TTC39A: variants seen among roughly 807,000 people sequenced by gnomAD.
The protein encoded by TTC39A is tetratricopeptide repeat domain 39A.
TTC39A carries 46 observed loss-of-function variants against 82.3 expected under a neutral mutation model. That is an observed-to-expected ratio of 0.56 (90% CI 0.44 to 0.71). The LOEUF (loss-of-function observed/expected upper bound fraction) is 0.71, where lower values mean the gene tolerates loss of function less well. Ranked by LOEUF, TTC39A falls within the 30% of genes least tolerant of loss-of-function variation. The pLI is 0.00. For synonymous variants in TTC39A, 254 were observed against 275.2 expected, an observed-to-expected ratio of 0.92 and a Z score of 0.76; for missense variants, 543 against 712.9, an observed-to-expected ratio of 0.76 and a Z score of 2.71.
chr1:51,291,205 G>T (rs958814017), intron 14 of TTC39A, among the ~76,000 whole-genome samples: 2 of 151,986 alleles, frequency 1.3e-5, no homozygotes, highest in Non-Finnish European at 2.9e-5. Flanking sequence ...AAAAATTTGG[G>T]GGGGGCCAGG....
chr1:51,317,344 C>A (rs551292216), intron 2 of TTC39A, among the ~76,000 whole-genome samples: 2 of 152,338 alleles, frequency 1.3e-5, no homozygotes, highest in African/African-American at 4.8e-5. Flanking sequence ...GCCAGGGTAT[C>A]CCCACTCCCA....
rs113357639 is a variant in TTC39A at position 51,344,641 on chromosome 1, G to A, written c.53+350C>T. 8.2e-3 allele frequency among the ~76,000 whole-genome samples: 1,250 copies of A among 152,350 alleles called. 12 individuals are homozygous for A. Among genetic ancestry groups the A allele is most frequent in the African/African-American group, 0.029 (1,205 of 41,590 alleles). ...CAGACCTGAGGAGAACCAGGTGAGA[G>A]GATGGAGGGTTGAGCGCAGACGCCG... On this transcript the variant is annotated intron_variant, in intron 1 of 5. Transcript: ENST00000401051.
intron 2 of TTC39A, among the ~76,000 whole-genome samples, chr1:51,319,283 G>A (rs1202661198): frequency 1.3e-5 from 2 of 152,098 alleles, no homozygotes; most frequent in African/African-American, 2.4e-5. Flanking sequence ...AGAAGGGTGA[G>A]GAAATCTTCC....
At position 51,311,241 on chromosome 1, in the gene TTC39A, TG is replaced by T. The variant is rs773196628; in HGVS notation, c.423+12del. 5.7e-6 allele frequency: 9 copies of T among 1,571,354 alleles called. No homozygotes were observed. The highest frequency in any genetic ancestry group is 3.5e-5 in the South Asian group (3 of 85,384). On this transcript the variant is annotated intron_variant, in intron 5 of 17. Coordinates refer to ENST00000680483, the MANE Select transcript of TTC39A (RefSeq NM_001297663.2). ...TGAAATCCCAGCCTCTTTGTACAAGTGGGGGTCCCTACCTGCAGGAAGGTCA... is the reference window on the plus strand; with the variant it reads ...TGAAATCCCAGCCTCTTTGTACAAGTGGGGTCCCTACCTGCAGGAAGGTCA...
chr1:51,310,151 C>T (rs1033803044), intron 5 of TTC39A, among the ~76,000 whole-genome samples: 5 of 152,208 alleles, frequency 3.3e-5, no homozygotes, highest in African/African-American at 4.8e-5. Context: ...GCAGGAAAAT[C>T]GCTTGAACCC....
chr1:51,289,888 T>C (rs1382566334), intron 16 of TTC39A, 117 bp downstream of exon 16: 8 of 735,518 alleles, frequency 1.1e-5, no homozygotes, highest in Non-Finnish European at 1.6e-5. Context: ...TTAGTACCTG[T>C]GTGGTGAGTG....
chr1:51,306,393 T>C (rs1187178497), intron 6 of TTC39A, among the ~76,000 whole-genome samples: 1 of 152,194 alleles, frequency 6.6e-6, no homozygotes, highest in East Asian at 1.9e-4. Context: ...GGCTGGATAA[T>C]TCTTTGTTGG....
At chr1:51,343,270 C>A (rs1304996723) in intron 1 of TTC39A, among the ~76,000 whole-genome samples, 3 of 152,212 alleles carry the variant, frequency 2.0e-5, no homozygotes, top group African/African-American at 7.2e-5. Flanking sequence ...AGTGATCCAG[C>A]ATTGAAATCG....
At chr1:51,296,263 C>G (rs1644421098) in intron 12 of TTC39A, 93 bp from the exon 13 acceptor site, 8 of 1,213,354 alleles carry the variant, frequency 6.6e-6, no homozygotes, top group Non-Finnish European at 9.5e-6. Flanking sequence ...TGGCCCAGCA[C>G]AGGAGCTCCC....
In TTC39A at chr1:51,303,314, A is replaced by G. The variant is rs1168749156; in HGVS notation, c.655-122T>C. On this transcript the variant is annotated intron_variant, in intron 8 of 17. Coordinates refer to ENST00000680483, the MANE Select transcript of TTC39A (RefSeq NM_001297663.2). ...GAAGAGCACTGGAACCCTGGGGGCC[A>G]GGTCAGCTGTGTGGCCCTGAGCAAG... 5 of 811,306 alleles carry G rather than the reference A, an allele frequency of 6.2e-6. No homozygotes were observed. The African/African-American group carries it at 8.6e-5, about 14-fold the overall frequency. 50.3% of individuals were successfully genotyped at this position (811,306 alleles called of 1,614,324 possible). A position where few individuals can be genotyped will look rare whatever the true frequency, so the allele number is the denominator to read the frequency against.
At chr1:51,336,928 C>A (rs923420956) in intron 1 of TTC39A, among the ~76,000 whole-genome samples, 1 of 152,106 alleles carries the variant, frequency 6.6e-6, no homozygotes, top group Admixed American at 6.5e-5. Flanking sequence ...GAGGCCAAGG[C>A]GGGAGAATTG....
At chr1:51,291,961 G>C (rs1644242741) in intron 14 of TTC39A, among the ~76,000 whole-genome samples, 1 of 152,188 alleles carries the variant, frequency 6.6e-6, no homozygotes, top group Non-Finnish European at 1.5e-5. Context: ...GGGAGGCTGA[G>C]GTTAGAGGAT....
At chr1:51,311,196 G>T in intron 5 of TTC39A, 58 bp downstream of exon 5, 1 of 1,501,010 alleles carries the variant, frequency 6.7e-7, no homozygotes, top group Non-Finnish European at 9.0e-7. Context: ...GGTCATGGTT[G>T]GACGTGGAAA....
intron 6 of TTC39A, 74 bp from the exon 7 acceptor site, chr1:51,306,150 G>T: frequency 7.8e-7 from 1 of 1,275,144 alleles, no homozygotes. Context: ...CCTTCCAGCT[G>T]GGCCTCAGGT....
intron 1 of TTC39A, among the ~76,000 whole-genome samples, chr1:51,344,564 G>C (rs1646073976): frequency 6.6e-6 from 1 of 152,214 alleles, no homozygotes; most frequent in African/African-American, 2.4e-5. Context: ...CAAGCACACA[G>C]AGCCCTGGCT....
rs571519936 is a variant in TTC39A, at chr1:51,319,100, T to C, written c.146+2621A>G. Among the ~76,000 whole-genome samples, 6 of 152,286 alleles carry C rather than the reference T, an allele frequency of 3.9e-5. No individual in the cohort carries two copies. In the East Asian group the frequency reaches 9.6e-4, roughly 24 times the overall value. ...AATACTTTATTAGATACTTAATACA[T>C]GCCAGGCACTGTCCTAAGGGCCTCA... On this transcript the variant is annotated intron_variant, in intron 2 of 17. Transcript: ENST00000680483.
intron 14 of TTC39A, among the ~76,000 whole-genome samples, chr1:51,292,960 G>T (rs1462223644): frequency 6.6e-6 from 1 of 152,012 alleles, no homozygotes; most frequent in African/African-American, 2.4e-5. Context: ...ACAGTATTTT[G>T]CAGATTACAG....
chr1:51,318,372 C>T (rs1390144551), intron 2 of TTC39A, among the ~76,000 whole-genome samples: 1 of 152,160 alleles, frequency 6.6e-6, no homozygotes, highest in African/African-American at 2.4e-5. Context: ...TGCGGCTGGG[C>T]CTGCCTCAGG....
At chr1:51,317,944 T>TTAGAA (rs1254090673) in intron 2 of TTC39A, among the ~76,000 whole-genome samples, 1 of 152,072 alleles carries the variant, frequency 6.6e-6, no homozygotes, top group Non-Finnish European at 1.5e-5. Flanking sequence ...AGGACTCCTG[T>TTAGAA]TAGAATGCCC....
Sources: gnomAD v4.1 joint callset for allele counts (sites outside exome capture counted in the v4.1 genomes callset) on GRCh38, gnomAD v4.1.1 for gene constraint, MANE v1.5 for transcripts, NCBI Gene and HGNC (gene_info 2026-07-23, HGNC 2026-07-21) for gene names.